LRRC37A2: variants seen among roughly 807,000 people sequenced by gnomAD.
The protein encoded by LRRC37A2 is leucine rich repeat containing 37 member A2, also known as leucine-rich repeat-containing protein 37A2.
A neutral mutation model predicts 68.8 loss-of-function variants in LRRC37A2; 9 were observed. The observed-to-expected ratio is 0.13, with a 90% CI of 0.08 to 0.23. The LOEUF (loss-of-function observed/expected upper bound fraction) is 0.23, where lower values mean the gene tolerates loss of function less well. Ranked by LOEUF, LRRC37A2 falls within the 10% of genes least tolerant of loss-of-function variation. The probability of loss-of-function intolerance (pLI) is 1.00; values close to 1 mark genes in which losing one functional copy is unlikely to be tolerated. For missense variants in LRRC37A2, 168 were observed against 950.4 expected (o/e 0.18, Z 10.82); for synonymous variants, 63 against 367.6 (o/e 0.17, Z 9.48).
At chr17:46,980,690 G>A in the LRRC37A2 span, among the ~76,000 whole-genome samples, 3 of 97,724 alleles carry the variant, frequency 3.1e-5, no homozygotes, top group Non-Finnish European at 5.1e-5. Context: ...AAAATTAGCC[G>A]GGCGTGGTGG....
the LRRC37A2 span, chr17:46,938,484 T>C: frequency 2.2e-5 from 34 of 1,534,360 alleles, no homozygotes; most frequent in Non-Finnish European, 3.0e-5. Flanking sequence ...TTCTGTGTAT[T>C]CTGGGCATGA....
the LRRC37A2 span, among the ~76,000 whole-genome samples, chr17:46,980,681 A>AAAAAAAAAAAAAAAAAAAAAAC: frequency 6.9e-6 from 1 of 144,868 alleles, no homozygotes; most frequent in African/African-American, 2.5e-5. Flanking sequence ...AAAAAAAAAA[A>AAAAAAAAAAAAAAAAAAAAAAC]AATTAGCCGG....
the LRRC37A2 span, among the ~76,000 whole-genome samples, chr17:47,037,407 T>C: frequency 6.6e-6 from 1 of 152,096 alleles, no homozygotes; most frequent in Non-Finnish European, 1.5e-5. Flanking sequence ...GCCCGGCCAA[T>C]AAATGAAAAC....
At chr17:47,031,081 T>G in the LRRC37A2 span, among the ~76,000 whole-genome samples, 2 of 151,062 alleles carry the variant, frequency 1.3e-5, no homozygotes, top group African/African-American at 2.4e-5. Context: ...GTTCCAATAG[T>G]TACAACCCAG....
the LRRC37A2 span, among the ~76,000 whole-genome samples, chr17:46,797,148 A>C: frequency 2.6e-5 from 4 of 152,134 alleles, no homozygotes; most frequent in African/African-American, 9.7e-5. Context: ...AGAACAATAA[A>C]CACCAAGAGG....
the LRRC37A2 span, among the ~76,000 whole-genome samples, chr17:46,817,730 C>T: frequency 6.6e-6 from 1 of 152,086 alleles, no homozygotes; most frequent in African/African-American, 2.4e-5. Context: ...TTCCCTCTCC[C>T]TTTCTCCTCG....
chr17:46,890,876 T>C, the LRRC37A2 span, among the ~76,000 whole-genome samples: 1 of 152,170 alleles, frequency 6.6e-6, no homozygotes, highest in East Asian at 1.9e-4. Flanking sequence ...TTTAATGCTC[T>C]TGTTCAGTGG....
At chr17:46,544,864 G>A (rs1192594181) in intron 8 of LRRC37A2, among the ~76,000 whole-genome samples, 1 of 132,902 alleles carries the variant, frequency 7.5e-6, no homozygotes, top group Non-Finnish European at 1.6e-5. Context: ...CAAAGATCAG[G>A]CACTGCATGT....
At chr17:46,915,296 C>G in the LRRC37A2 span, among the ~76,000 whole-genome samples, 5 of 152,172 alleles carry the variant, frequency 3.3e-5, no homozygotes, top group Non-Finnish European at 7.3e-5. Flanking sequence ...AGCCCCTACA[C>G]GTGGCCTTTC....
chr17:46,597,788 CTTTTTTTTTTTTTTTTTT>C, the LRRC37A2 span, among the ~76,000 whole-genome samples: 1 of 44,168 alleles, frequency 2.3e-5, no homozygotes, highest in Non-Finnish European at 4.9e-5. Flanking sequence ...TTGCAATACT[CTTTTTTTTTTTTTTTTTT>C]TTTTTTTTTT....
At chr17:46,987,223 A>G in the LRRC37A2 span, among the ~76,000 whole-genome samples, 1 of 152,162 alleles carries the variant, frequency 6.6e-6, no homozygotes, top group African/African-American at 2.4e-5. Flanking sequence ...AGCCTGGGCA[A>G]CAGAGTGAGA....
chr17:46,720,198 GT>G, the LRRC37A2 span, among the ~76,000 whole-genome samples: 1 of 152,184 alleles, frequency 6.6e-6, no homozygotes, highest in African/African-American at 2.4e-5. Flanking sequence ...ATTTGTTGAA[GT>G]TTTTGCATAT....
At chr17:46,568,359 G>A in the LRRC37A2 span, among the ~76,000 whole-genome samples, 1 of 123,298 alleles carries the variant, frequency 8.1e-6, no homozygotes, top group Admixed American at 8.1e-5. Flanking sequence ...AAGTATTCTT[G>A]CCCCTGAAAT....
the LRRC37A2 span, among the ~76,000 whole-genome samples, chr17:46,760,729 C>A: frequency 6.6e-6 from 1 of 151,808 alleles, no homozygotes; most frequent in South Asian, 2.1e-4. Context: ...AATCCAAAAT[C>A]TGAAATGCTC....
chr17:46,849,288 A>G, the LRRC37A2 span, among the ~76,000 whole-genome samples: 4 of 152,248 alleles, frequency 2.6e-5, no homozygotes, highest in Non-Finnish European at 4.4e-5. Flanking sequence ...CCCATCAGAC[A>G]TCAACATGTA....
chr17:47,018,935 A>G, the LRRC37A2 span: 4 of 1,519,678 alleles, frequency 2.6e-6, no homozygotes, highest in African/African-American at 1.4e-5. Flanking sequence ...TTGTACCCCA[A>G]CTTCGAATAT....
the LRRC37A2 span, among the ~76,000 whole-genome samples, chr17:46,388,165 G>A: frequency 2.5e-4 from 1 of 4,004 alleles, no homozygotes; most frequent in African/African-American, 8.4e-4. Context: ...GATTTAAGAA[G>A]GATTGAAGAG....
chr17:46,851,757 T>C, the LRRC37A2 span: 1 of 1,038,534 alleles, frequency 9.6e-7, no homozygotes, highest in Non-Finnish European at 1.2e-6. The surrounding 1 kb of genome is among the most constrained non-coding windows in gnomAD (Gnocchi z 4.3). Context: ...CCGGCCTGCC[T>C]GTCTCTCCCT....
the LRRC37A2 span, among the ~76,000 whole-genome samples, chr17:46,769,315 C>CA: frequency 8.0e-3 from 817 of 102,636 alleles, 10 homozygotes; most frequent in African/African-American, 0.018. Flanking sequence ...GACTCCGTCT[C>CA]AAAAAAAAAA....
Sources: gnomAD v4.1 joint callset for allele counts (sites outside exome capture counted in the v4.1 genomes callset) on GRCh38, gnomAD v4.1.1 for gene constraint, Gnocchi (gnomAD v3.1) non-coding constraint, MANE v1.5 for transcripts, NCBI Gene and HGNC (gene_info 2026-07-23, HGNC 2026-07-21) for gene names.